The following ROBO2 variants were observed in gnomAD, a reference collection of about 807,000 sequenced individuals.
The protein encoded by ROBO2 is roundabout guidance receptor 2.
In ROBO2, 53 loss-of-function variants were observed where a neutral mutation model predicts 160.8. The ratio of observed to expected loss-of-function variants is 0.33; its 90% CI spans 0.26 to 0.41. The LOEUF (loss-of-function observed/expected upper bound fraction) is 0.41, where lower values mean the gene tolerates loss of function less well. ROBO2 is among the 10% of genes least tolerant of loss of function. The probability of loss-of-function intolerance (pLI) is 1.00; values close to 1 mark genes in which losing one functional copy is unlikely to be tolerated. For missense variants in ROBO2, 1,577 were observed against 1,722.4 expected, an observed-to-expected ratio of 0.92 and a Z score of 1.49; for synonymous variants, 664 against 611.7, an observed-to-expected ratio of 1.09 and a Z score of -1.26.
intron 2 of ROBO2, among the ~76,000 whole-genome samples, chr3:76,642,484 C>G (rs1021341708): frequency 6.6e-6 from 1 of 151,262 alleles, no homozygotes; most frequent in Non-Finnish European, 1.5e-5. Context: ...TCCTGAGTAC[C>G]TGGGATTACA....
At chr3:76,216,621 A>G (rs972870908) in intron 2 of ROBO2, among the ~76,000 whole-genome samples, 1 of 152,210 alleles carries the variant, frequency 6.6e-6, no homozygotes, top group African/African-American at 2.4e-5. Flanking sequence ...TCTCCTAAAT[A>G]TATATGCACC....
At chr3:77,567,430 T>G (rs1166454212) in intron 12 of ROBO2, among the ~76,000 whole-genome samples, 1 of 152,086 alleles carries the variant, frequency 6.6e-6, no homozygotes. Flanking sequence ...TCATTTTTTC[T>G]TAATGGACAC....
chr3:76,284,026 A>G (rs1274434621), intron 2 of ROBO2, among the ~76,000 whole-genome samples: 4 of 152,024 alleles, frequency 2.6e-5, no homozygotes, highest in Admixed American at 2.6e-4. Context: ...AACCAAATAA[A>G]TGACCCTACC....
At chr3:77,425,319 G>A (rs1436520422) in intron 2 of ROBO2, among the ~76,000 whole-genome samples, 1 of 152,086 alleles carries the variant, frequency 6.6e-6, no homozygotes, top group African/African-American at 2.4e-5. Context: ...GTTAAGAAAA[G>A]CAAACAGATG....
intron 2 of ROBO2, among the ~76,000 whole-genome samples, chr3:76,583,726 T>C (rs1379610285): frequency 6.6e-6 from 1 of 152,162 alleles, no homozygotes; most frequent in African/African-American, 2.4e-5. Flanking sequence ...TTATTTATTG[T>C]CATGGTTTCC....
chr3:76,502,649 G>A (rs1193870521), intron 2 of ROBO2, among the ~76,000 whole-genome samples: 5 of 152,080 alleles, frequency 3.3e-5, no homozygotes, highest in Admixed American at 1.3e-4. Flanking sequence ...TTTGATATAG[G>A]CATGCAATGT....
intron 2 of ROBO2, among the ~76,000 whole-genome samples, chr3:75,998,763 T>C (rs1442845689): frequency 1.3e-5 from 2 of 152,192 alleles, no homozygotes; most frequent in Non-Finnish European, 2.9e-5. Flanking sequence ...AGTTTCAAGA[T>C]GTGTGAAAGA....
chr3:77,535,016 A>G (rs550067236), intron 6 of ROBO2, among the ~76,000 whole-genome samples: 2 of 152,328 alleles, frequency 1.3e-5, no homozygotes, highest in East Asian at 1.9e-4. Context: ...GGCCAATCAC[A>G]TATTCCCCAT....
At chr3:76,251,182 G>A (rs1475264108) in intron 2 of ROBO2, among the ~76,000 whole-genome samples, 1 of 151,898 alleles carries the variant, frequency 6.6e-6, no homozygotes, top group Non-Finnish European at 1.5e-5. Flanking sequence ...GAAGATAGAT[G>A]ACCAAATTTG....
chr3:76,831,474 C>T (rs1023169849), intron 2 of ROBO2, among the ~76,000 whole-genome samples: 3 of 152,026 alleles, frequency 2.0e-5, no homozygotes, highest in Non-Finnish European at 4.4e-5. Context: ...TATTTTGAGG[C>T]ATAAAATTAC....
chr3:77,179,463 GA>G (rs1443382406), intron 2 of ROBO2, among the ~76,000 whole-genome samples: 1 of 149,980 alleles, frequency 6.7e-6, no homozygotes. Context: ...ATTTTGTTTT[GA>G]AAAAAAATAC....
chr3:77,493,347 G>T (rs1455706617), exon 5 of ROBO2: 3 of 1,613,974 alleles, frequency 1.9e-6, no homozygotes, highest in Non-Finnish European at 2.5e-6. Flanking sequence ...CAACTGTGAG[G>T]TGGAAAAAGG....
chr3:76,988,710 A>G (rs564029907), intron 2 of ROBO2, among the ~76,000 whole-genome samples: 1 of 152,230 alleles, frequency 6.6e-6, no homozygotes, highest in Admixed American at 6.5e-5. Context: ...TTTCAGTAGA[A>G]CTGAGACATT....
intron 20 of ROBO2, among the ~76,000 whole-genome samples, chr3:77,607,140 C>A (rs1276863291): frequency 6.6e-6 from 1 of 152,122 alleles, no homozygotes; most frequent in East Asian, 1.9e-4. Context: ...AAACTGATTA[C>A]TGTATTAATT....
At chr3:76,757,486 G>A (rs982544967) in intron 2 of ROBO2, among the ~76,000 whole-genome samples, 3 of 151,824 alleles carry the variant, frequency 2.0e-5, no homozygotes, top group African/African-American at 4.8e-5. Flanking sequence ...ATGAGTTGAT[G>A]CTTGCTAGGT....
intron 2 of ROBO2, among the ~76,000 whole-genome samples, chr3:77,404,064 G>T (rs933553360): frequency 3.9e-5 from 6 of 152,016 alleles, no homozygotes; most frequent in African/African-American, 1.2e-4. Flanking sequence ...AAGAATTGGG[G>T]AATAATAATT....
chr3:76,193,511 T>C (rs146000634), intron 2 of ROBO2, among the ~76,000 whole-genome samples: 237 of 152,342 alleles, frequency 1.6e-3, no homozygotes, highest in South Asian at 0.011. Flanking sequence ...TCCCCAGCCT[T>C]ACCTTGTTCT....
At chr3:76,665,940 A>T (rs1372987734) in intron 2 of ROBO2, among the ~76,000 whole-genome samples, 1 of 139,750 alleles carries the variant, frequency 7.2e-6, no homozygotes, top group Non-Finnish European at 1.5e-5. Context: ...TATACATATA[A>T]TATATTATAT....
intron 2 of ROBO2, among the ~76,000 whole-genome samples, chr3:76,629,664 C>A (rs1336497546): frequency 1.3e-5 from 2 of 152,166 alleles, no homozygotes; most frequent in African/African-American, 4.8e-5. Flanking sequence ...CCTTTGACAG[C>A]ATCCTCACAG....
Sources: allele counts gnomAD v4.1 joint callset (sites outside exome capture counted in the v4.1 genomes callset), GRCh38; gene constraint gnomAD v4.1.1; transcripts MANE v1.5; gene names NCBI Gene and HGNC (gene_info 2026-07-23, HGNC 2026-07-21).